The following ANKRD44 variants were observed in gnomAD, a reference collection of about 807,000 sequenced individuals.
ANKRD44 encodes serine/threonine-protein phosphatase 6 regulatory ankyrin repeat subunit B.
Under a neutral mutation model 116.0 loss-of-function variants are expected in ANKRD44, and 35 were observed. The observed-to-expected ratio is 0.30, with a 90% CI of 0.23 to 0.40. The LOEUF (loss-of-function observed/expected upper bound fraction) is 0.40. ANKRD44 is among the 10% of genes least tolerant of loss of function. The pLI is 1.00. For synonymous variants in ANKRD44, 435 were observed against 461.8 expected, an observed-to-expected ratio of 0.94 and a Z score of 0.74; for missense variants, 1,014 against 1,242.6, an observed-to-expected ratio of 0.82 and a Z score of 2.77.
At chr2:197,267,410 G>A (rs909671098) in intron 1 of ANKRD44, among the ~76,000 whole-genome samples, 5 of 152,130 alleles carry the variant, frequency 3.3e-5, no homozygotes, top group African/African-American at 4.8e-5. Context: ...TATTGTGCAC[G>A]TAAAAGCCAA....
intron 1 of ANKRD44, among the ~76,000 whole-genome samples, chr2:197,253,040 A>G (rs3078): frequency 0.013 from 2,048 of 152,332 alleles, 16 homozygotes; most frequent in Non-Finnish European, 0.02. Context: ...TGTTCCCTGA[A>G]GTATTCAGGA....
intron 27 of ANKRD44, 59 bp from the exon 28 acceptor site, chr2:196,989,708 G>A (rs2075886034): frequency 2.6e-6 from 4 of 1,545,016 alleles, no homozygotes; most frequent in Admixed American, 2.0e-5. Context: ...CAAGCAACTG[G>A]CAATCGGTTT....
At chr2:197,107,164 T>G (rs1191947139) in intron 9 of ANKRD44, among the ~76,000 whole-genome samples, 1 of 152,216 alleles carries the variant, frequency 6.6e-6, no homozygotes, top group Non-Finnish European at 1.5e-5. Flanking sequence ...AGTTTTTCAT[T>G]GCACAAACAA....
chr2:197,067,107 C>A (rs2077451013), intron 16 of ANKRD44, among the ~76,000 whole-genome samples: 1 of 152,146 alleles, frequency 6.6e-6, no homozygotes, highest in African/African-American at 2.4e-5. Flanking sequence ...TGGAACAGAA[C>A]AGAGCCCTCA....
At chr2:197,036,747 T>C (rs1376730293) in intron 16 of ANKRD44, among the ~76,000 whole-genome samples, 1 of 152,206 alleles carries the variant, frequency 6.6e-6, no homozygotes, top group East Asian at 1.9e-4. Flanking sequence ...TGAAATCCAC[T>C]GTGAAAATAG....
chr2:197,286,998 G>A (rs958777457), intron 1 of ANKRD44, among the ~76,000 whole-genome samples: 18 of 152,160 alleles, frequency 1.2e-4, no homozygotes, highest in African/African-American at 1.2e-4. Flanking sequence ...AAACTACTCC[G>A]TATGGCCCTA....
chr2:197,006,983 T>TTACTG (rs2076213296), intron 20 of ANKRD44, among the ~76,000 whole-genome samples: 3 of 151,970 alleles, frequency 2.0e-5, no homozygotes, highest in Non-Finnish European at 4.4e-5. Context: ...CATGCACCTG[T>TTACTG]GGTCCCAGTT....
chr2:197,211,822 G>C (rs889395564), intron 1 of ANKRD44, among the ~76,000 whole-genome samples: 1 of 151,750 alleles, frequency 6.6e-6, no homozygotes, highest in African/African-American at 2.4e-5. Context: ...AGGAATAGTG[G>C]GGGGCAGCAA....
chr2:197,117,884 G>C (rs1220564733), intron 8 of ANKRD44, among the ~76,000 whole-genome samples: 1 of 151,982 alleles, frequency 6.6e-6, no homozygotes, highest in South Asian at 2.1e-4. Context: ...TTTTTCAAAA[G>C]TGAAAATAGC....
At position 197,106,634 on chromosome 2, in the gene ANKRD44, C is replaced by T. The variant is rs111575650; in HGVS notation, c.985+4132G>A. 6.0e-3 allele frequency among the ~76,000 whole-genome samples: 899 copies of T among 150,750 alleles called. 11 individuals are homozygous for T. Among genetic ancestry groups the T allele is most frequent in the African/African-American group, 0.021 (859 of 41,092 alleles). ...GAAAGCCCATCTCTATTAAAAAACA[C>T]AAAAAATTAGCTGGGCGTGGTGGCA... On this transcript the variant is annotated intron_variant, in intron 9 of 27. Coordinates refer to ENST00000282272, the MANE Select transcript of ANKRD44 (RefSeq NM_001195144.2).
intron 21 of ANKRD44, among the ~76,000 whole-genome samples, chr2:196,971,067 AT>A (rs34902290): frequency 0.091 from 13,808 of 151,798 alleles, 791 homozygotes; most frequent in East Asian, 0.14. Context: ...ATGTTTGCAT[AT>A]TTTTTTTGCA....
At chr2:197,144,603 A>T (rs749908191) in intron 3 of ANKRD44, among the ~76,000 whole-genome samples, 2 of 152,208 alleles carry the variant, frequency 1.3e-5, no homozygotes, top group Non-Finnish European at 2.9e-5. Context: ...TCTTAATTTG[A>T]TGAGAGGGAG....
At chr2:197,032,654 T>C (rs1358288969) in intron 16 of ANKRD44, among the ~76,000 whole-genome samples, 8 of 152,180 alleles carry the variant, frequency 5.3e-5, no homozygotes, top group African/African-American at 1.7e-4. Flanking sequence ...TCCCAAAATG[T>C]TGGGATTACA....
intron 16 of ANKRD44, among the ~76,000 whole-genome samples, chr2:197,063,423 C>T (rs531426347): frequency 1.3e-5 from 2 of 152,200 alleles, no homozygotes; most frequent in Non-Finnish European, 2.9e-5. Context: ...AACGCAGCTC[C>T]TCGCCAGCAA....
chr2:197,256,361 G>A (rs563426897), intron 1 of ANKRD44, among the ~76,000 whole-genome samples: 4 of 152,312 alleles, frequency 2.6e-5, no homozygotes, highest in Admixed American at 6.5e-5. Flanking sequence ...TTCTGACTAT[G>A]TGTCTTTGAA....
In ANKRD44 at chr2:197,078,705, A is replaced by T; in HGVS notation, c.1648T>A (p.Leu550Met). Reference protein sequence around the residue: ...AAYGHRQCLELLLERTNSGFE... With the variant: ...AAYGHRQCLEMLLERTNSGFE... The stretch of plus-strand genomic sequence containing the variant: ...GAAAACAAAACAAAACAACTCACCA[A>T]TTCCAGACACTGCCTGTGCCCATAG... The change falls in exon 16 of 28, where the codon TTG becomes ATG. Residue 550 changes from leucine to methionine, a missense_variant and splice_region_variant. By Grantham distance (15) the Leu-to-Met change is conservative. Coordinates refer to ENST00000282272, the MANE Select transcript of ANKRD44 (RefSeq NM_001195144.2). 1 of 1,610,508 alleles carries T rather than the reference A, an allele frequency of 6.2e-7. No individual in the cohort carries two copies.
At chr2:197,130,360 G>A (rs7592815) in intron 4 of ANKRD44, among the ~76,000 whole-genome samples, 5,575 of 152,280 alleles carry the variant, frequency 0.037, 345 homozygotes, top group African/African-American at 0.12. Flanking sequence ...AATTCTAAGC[G>A]AACTATTTAA....
intron 2 of ANKRD44, among the ~76,000 whole-genome samples, chr2:197,168,685 T>A (rs2080157119): frequency 6.6e-6 from 1 of 152,208 alleles, no homozygotes; most frequent in Non-Finnish European, 1.5e-5. Context: ...GACTCATTTT[T>A]AGATGCTCTC....
chr2:197,288,755 G>A (rs145655968), intron 1 of ANKRD44, among the ~76,000 whole-genome samples: 3 of 152,190 alleles, frequency 2.0e-5, no homozygotes, highest in East Asian at 1.9e-4. Flanking sequence ...CAGCAACATG[G>A]ATAAAACTGG....
Sources: allele counts gnomAD v4.1 joint callset (sites outside exome capture counted in the v4.1 genomes callset), GRCh38; gene constraint gnomAD v4.1.1; transcripts MANE v1.5; gene names NCBI Gene and HGNC (gene_info 2026-07-23, HGNC 2026-07-21).